Variants in TSHZ2 observed in about 807,000 individuals in gnomAD.
TSHZ2 encodes teashirt zinc finger homeobox 2.
TSHZ2 carries 21 observed loss-of-function variants against 74.4 expected under a neutral mutation model. That is an observed-to-expected ratio of 0.28 (90% CI 0.20 to 0.41). The LOEUF (loss-of-function observed/expected upper bound fraction) is 0.41. Ranked by LOEUF, TSHZ2 falls within the 10% of genes least tolerant of loss-of-function variation. TSHZ2 has a pLI of 1.00. For synonymous variants in TSHZ2, 540 were observed against 515.3 expected (o/e 1.05, Z -0.65); for missense variants, 1,244 against 1,293.5 (o/e 0.96, Z 0.59).
intron 1 of TSHZ2, among the ~76,000 whole-genome samples, chr20:53,045,896 A>G (rs1318143973): frequency 6.6e-6 from 1 of 152,178 alleles, no homozygotes; most frequent in Non-Finnish European, 1.5e-5. Context: ...TACACACACA[A>G]AAATGGGGTC....
intron 2 of TSHZ2, among the ~76,000 whole-genome samples, chr20:53,429,420 T>TG (rs1450070494): frequency 1.3e-5 from 2 of 152,326 alleles, no homozygotes; most frequent in South Asian, 4.1e-4. Flanking sequence ...AATCGAATCA[T>TG]GGGGGCGGGT....
chr20:53,454,612 C>A (rs1984973985), intron 2 of TSHZ2, among the ~76,000 whole-genome samples: 1 of 151,860 alleles, frequency 6.6e-6, no homozygotes, highest in South Asian at 2.1e-4. Context: ...GTTAATGTGG[C>A]TGTCCCTTTC....
intron 1 of TSHZ2, among the ~76,000 whole-genome samples, chr20:53,201,231 A>G (rs1600737713): frequency 6.6e-6 from 1 of 152,210 alleles, no homozygotes; most frequent in East Asian, 1.9e-4. Context: ...GTAGTGGCAT[A>G]AGGCAACATA....
At chr20:53,437,101 G>A (rs988901874) in intron 2 of TSHZ2, among the ~76,000 whole-genome samples, 4 of 152,100 alleles carry the variant, frequency 2.6e-5, no homozygotes, top group Admixed American at 6.6e-5. Flanking sequence ...ATTCTCTCAC[G>A]TCTTATATGA....
chr20:53,020,120 G>A (rs757139408), intron 1 of TSHZ2, among the ~76,000 whole-genome samples: 3 of 152,100 alleles, frequency 2.0e-5, no homozygotes, highest in Non-Finnish European at 4.4e-5. Context: ...CAGCATGGGG[G>A]AAACCACCCC....
chr20:53,186,440 T>A (rs1397574535), intron 1 of TSHZ2, among the ~76,000 whole-genome samples: 1 of 152,186 alleles, frequency 6.6e-6, no homozygotes, highest in Non-Finnish European at 1.5e-5. Context: ...GGCTTGAAGC[T>A]CTGCAAGTCT....
At chr20:53,379,725 T>C (rs967499815) in intron 2 of TSHZ2, among the ~76,000 whole-genome samples, 2 of 152,184 alleles carry the variant, frequency 1.3e-5, no homozygotes, top group African/African-American at 4.8e-5. Flanking sequence ...AGGGACACCT[T>C]TGACACCATG....
chr20:53,429,357 C>T (rs572750254), intron 2 of TSHZ2, among the ~76,000 whole-genome samples: 1 of 152,212 alleles, frequency 6.6e-6, no homozygotes, highest in South Asian at 2.1e-4. Context: ...TGTGTCCCCA[C>T]CCACATCTCA....
At chr20:53,007,159 T>C (rs1346008320) in intron 1 of TSHZ2, among the ~76,000 whole-genome samples, 1 of 152,106 alleles carries the variant, frequency 6.6e-6, no homozygotes. Flanking sequence ...GCATTGAACT[T>C]GATACTTGAA....
At chr20:53,432,345 A>T (rs926376385) in intron 2 of TSHZ2, among the ~76,000 whole-genome samples, 1 of 152,250 alleles carries the variant, frequency 6.6e-6, no homozygotes, top group African/African-American at 2.4e-5. Flanking sequence ...TGCTGTGTAA[A>T]TACCACATTT....
intron 2 of TSHZ2, among the ~76,000 whole-genome samples, chr20:53,315,199 A>G (rs141752924): frequency 9.1e-4 from 139 of 152,338 alleles, no homozygotes; most frequent in Middle Eastern, 3.4e-3. Flanking sequence ...TAGAAGACTA[A>G]AGGTTTTCTT....
chr20:53,367,807 G>A (rs1222868479), intron 2 of TSHZ2, among the ~76,000 whole-genome samples: 1 of 151,980 alleles, frequency 6.6e-6, no homozygotes, highest in Non-Finnish European at 1.5e-5. Context: ...TCCTGACCTC[G>A]TGATCCACCC....
At chr20:53,213,955 C>T (rs1600745303) in intron 1 of TSHZ2, among the ~76,000 whole-genome samples, 1 of 152,146 alleles carries the variant, frequency 6.6e-6, no homozygotes, top group East Asian at 1.9e-4. Context: ...CAATATAGGA[C>T]ATTGTGCTAA....
At chr20:53,412,650 T>A (rs1983094842) in intron 2 of TSHZ2, 1 of 152,260 alleles carries the variant, frequency 6.6e-6, no homozygotes, top group South Asian at 2.1e-4. Flanking sequence ...GCACAGTGAC[T>A]CTCCACGCTG....
intron 2 of TSHZ2, among the ~76,000 whole-genome samples, chr20:53,282,031 A>G (rs6091656): frequency 0.071 from 10,763 of 152,268 alleles, 1,293 homozygotes; most frequent in African/African-American, 0.25. Flanking sequence ...ACGTGGGCAC[A>G]AGGATATAGT....
At chr20:53,421,746 G>T (rs1383994031) in intron 2 of TSHZ2, 1 of 137,208 alleles carries the variant, frequency 7.3e-6, no homozygotes, top group Admixed American at 8.1e-5. Flanking sequence ...GCAGTGGCGC[G>T]ATCTTGGCTC....
At chr20:53,401,644 G>A (rs1982664303) in intron 2 of TSHZ2, among the ~76,000 whole-genome samples, 1 of 150,890 alleles carries the variant, frequency 6.6e-6, no homozygotes. Flanking sequence ...AACATACGAT[G>A]TGTGGTTTTC....
At chr20:53,202,998 G>T (rs149390610) in intron 1 of TSHZ2, among the ~76,000 whole-genome samples, 5 of 152,136 alleles carry the variant, frequency 3.3e-5, no homozygotes, top group African/African-American at 1.2e-4. Context: ...GCAGATCAAG[G>T]GACACAATAT....
intron 1 of TSHZ2, among the ~76,000 whole-genome samples, chr20:53,177,181 A>G (rs1273768515): frequency 2.0e-5 from 3 of 152,034 alleles, no homozygotes; most frequent in Non-Finnish European, 2.9e-5. Context: ...ACTGCATCCA[A>G]CCACTGTATG....
Sources: allele counts gnomAD v4.1 joint callset (sites outside exome capture counted in the v4.1 genomes callset), GRCh38; gene constraint gnomAD v4.1.1; transcripts MANE v1.5; gene names NCBI Gene and HGNC (gene_info 2026-07-23, HGNC 2026-07-21).